The following PCDHGB4 variants were observed in gnomAD, a reference collection of about 807,000 sequenced individuals.
PCDHGB4 encodes the protein protocadherin gamma-B4.
PCDHGB4 carries 38 observed loss-of-function variants against 60.5 expected under a neutral mutation model. The observed-to-expected ratio is 0.63, with a 90% CI of 0.48 to 0.82. PCDHGB4 has a LOEUF of 0.82. Among genes scored for constraint, PCDHGB4 ranks in the 40% least tolerant of loss-of-function variants. The pLI, the probability that PCDHGB4 is intolerant of heterozygous loss-of-function variation, is 0.00. For synonymous variants in PCDHGB4, 456 were observed against 509.7 expected, an observed-to-expected ratio of 0.89 and a Z score of 1.42; for missense variants, 1,109 against 1,209.6, an observed-to-expected ratio of 0.92 and a Z score of 1.23.
At chr5:141,470,602 G>A (rs1004044883) in intron 1 of PCDHGB4, among the ~76,000 whole-genome samples, 1 of 152,268 alleles carries the variant, frequency 6.6e-6, no homozygotes, top group South Asian at 2.1e-4. Flanking sequence ...ACCTGTGCGG[G>A]GACACAGGGC....
intron 1 of PCDHGB4, chr5:141,418,422 G>T: frequency 6.2e-7 from 1 of 1,613,996 alleles, no homozygotes; most frequent in Non-Finnish European, 8.5e-7. Context: ...AATCCTGATG[G>T]TGGCAAATAT....
At position 141,398,050 on chromosome 5, in the gene PCDHGB4, T is replaced by C. The variant is rs558695876; in HGVS notation, c.2397+7769T>C. Reference sequence around the variant, plus strand: ...ACTGGAACTAAAGCCCGTTCGGAGATCCAAAAATCTACAATACAGAGGTTA... The same window carrying C: ...ACTGGAACTAAAGCCCGTTCGGAGACCCAAAAATCTACAATACAGAGGTTA... On this transcript the variant is annotated intron_variant, in intron 1 of 3. Coordinates refer to ENST00000519479, the MANE Select transcript of PCDHGB4 (RefSeq NM_003736.4). 12 of 1,510,524 alleles carry C rather than the reference T, an allele frequency of 7.9e-6. No individual in the cohort carries two copies. The African/African-American group carries it at 1.1e-4, about 14-fold the overall frequency. 93.6% of individuals were successfully genotyped at this position (1,510,524 alleles called of 1,614,324 possible). A position where few individuals can be genotyped will look rare whatever the true frequency, so the allele number is the denominator to read the frequency against.
intron 2 of PCDHGB4, among the ~76,000 whole-genome samples, chr5:141,499,326 C>T (rs1465474737): frequency 6.6e-6 from 1 of 152,156 alleles, no homozygotes. Context: ...TATCCCTGCT[C>T]TCTCTCAGTT....
chr5:141,501,447 A>G (rs1483189279), intron 2 of PCDHGB4, among the ~76,000 whole-genome samples: 1 of 151,816 alleles, frequency 6.6e-6, no homozygotes, highest in Middle Eastern at 3.2e-3. Flanking sequence ...TTCCATTTTT[A>G]CTTTTCACTA....
intron 1 of PCDHGB4, chr5:141,410,428 C>A (rs376561050): frequency 5.0e-6 from 8 of 1,613,906 alleles, no homozygotes; most frequent in African/African-American, 1.3e-5. Flanking sequence ...TTCCCCCCAA[C>A]TACAGTGAGG....
intron 1 of PCDHGB4, chr5:141,414,637 A>G: frequency 5.6e-6 from 9 of 1,613,894 alleles, no homozygotes; most frequent in Non-Finnish European, 6.8e-6. Context: ...CAGCAAAGAG[A>G]ATGCCCAGAT....
chr5:141,463,176 C>CA (rs2099054640), intron 1 of PCDHGB4, among the ~76,000 whole-genome samples: 1 of 152,100 alleles, frequency 6.6e-6, no homozygotes, highest in African/African-American at 2.4e-5. Flanking sequence ...TATGTATGCT[C>CA]AGATTATTAT....
At chr5:141,496,262 C>G (rs934511905) in intron 2 of PCDHGB4, among the ~76,000 whole-genome samples, 3 of 152,158 alleles carry the variant, frequency 2.0e-5, no homozygotes, top group African/African-American at 7.2e-5. Flanking sequence ...GAAACTTCAG[C>G]AGAAAGACCT....
chr5:141,468,049 G>C (rs2099156671), intron 1 of PCDHGB4, among the ~76,000 whole-genome samples: 1 of 152,068 alleles, frequency 6.6e-6, no homozygotes, highest in African/African-American at 2.4e-5. Context: ...ACTAAGCCGG[G>C]CACAGTGGCT....
intron 1 of PCDHGB4, among the ~76,000 whole-genome samples, chr5:141,437,976 T>G (rs1182220385): frequency 1.3e-5 from 2 of 152,096 alleles, no homozygotes; most frequent in Non-Finnish European, 2.9e-5. Flanking sequence ...GATCTTGGGA[T>G]GCACCCACCC....
chr5:141,421,991 A>T, intron 1 of PCDHGB4: 1 of 1,608,656 alleles, frequency 6.2e-7, no homozygotes, highest in Non-Finnish European at 8.5e-7. Context: ...GTTCCAGAAA[A>T]CATCAGCTCC....
At chr5:141,397,546 T>C (rs576089094) in intron 1 of PCDHGB4, among the ~76,000 whole-genome samples, 2 of 152,300 alleles carry the variant, frequency 1.3e-5, no homozygotes, top group South Asian at 2.1e-4. Flanking sequence ...GAAATCAGTA[T>C]AGTATGAAGG....
intron 2 of PCDHGB4, among the ~76,000 whole-genome samples, chr5:141,497,602 C>T (rs948023459): frequency 2.0e-5 from 3 of 148,260 alleles, no homozygotes; most frequent in East Asian, 2.0e-4. Flanking sequence ...TGCAGTGGTG[C>T]GATCTTGGCT....
At chr5:141,462,459 C>T (rs190781980) in intron 1 of PCDHGB4, among the ~76,000 whole-genome samples, 11 of 152,128 alleles carry the variant, frequency 7.2e-5, no homozygotes, top group Admixed American at 2.6e-4. Flanking sequence ...TAACTGAAAA[C>T]TGTGTATTCT....
rs182297545 is a variant in PCDHGB4 at position 141,400,627 on chromosome 5, G to A, written c.2397+10346G>A. ...AAGTCCAATGAGTTGTCTTAGGGAA[G>A]TCAGAGCTGCTCAGAAAGCTGTCCT... On this transcript the variant is annotated intron_variant, in intron 1 of 3. Transcript: ENST00000519479. 46 of 1,441,658 alleles carry A rather than the reference G, an allele frequency of 3.2e-5. 1 individual carries two copies. In the East Asian group the frequency reaches 8.4e-4, roughly 26 times the overall value. 89.3% of individuals were successfully genotyped at this position (1,441,658 alleles called of 1,614,324 possible). A position where few individuals can be genotyped will look rare whatever the true frequency, so the allele number is the denominator to read the frequency against.
Position 141,393,006 on chromosome 5 carries a change from C to T in PCDHGB4, c.2397+2725C>T, listed in dbSNP as rs182052960. On this transcript the variant is annotated intron_variant, in intron 1 of 3. Coordinates refer to ENST00000519479, the MANE Select transcript of PCDHGB4 (RefSeq NM_003736.4). ...CCGGAAGCTGGCGAAGCACGGAGTC[C>T]GTATCGTCTCCAGAGGTAGGACGCA... is the stretch of plus-strand genomic sequence containing the variant. 3.5e-3 allele frequency: 5,649 copies of T among 1,613,866 alleles called. 26 individuals are homozygous for T. The highest frequency in any genetic ancestry group is 4.1e-3 in the Non-Finnish European group (4,855 of 1,179,884).
Position 141,489,772 on chromosome 5 carries a change from T to C in PCDHGB4, c.2398-5035T>C, listed in dbSNP as rs1327700197. 6.2e-7 allele frequency: 1 copy of C among 1,614,154 alleles called. No individual in the cohort carries two copies. The highest frequency in any genetic ancestry group is 8.5e-7 in the Non-Finnish European group (1 of 1,179,994). ...TTACACTCTAAGCCCCAACAGCCAC[T>C]TCTCTCTGAATGTGAAGACCCTAAA... On this transcript the variant is annotated intron_variant, in intron 1 of 3. Coordinates refer to ENST00000519479, the MANE Select transcript of PCDHGB4 (RefSeq NM_003736.4). This position sits in a 1 kb window ranked among gnomAD's most constrained non-coding sequence, Gnocchi z 4.5.
intron 2 of PCDHGB4, among the ~76,000 whole-genome samples, chr5:141,502,866 C>CTTTTTTCTT (rs2099816532): frequency 7.8e-6 from 1 of 128,046 alleles, no homozygotes; most frequent in African/African-American, 3.1e-5. Context: ...GACTCTCTGT[C>CTTTTTTCTT]TTTTTTTTTT....
At chr5:141,466,279 T>A (rs1386803685) in intron 1 of PCDHGB4, among the ~76,000 whole-genome samples, 1 of 152,144 alleles carries the variant, frequency 6.6e-6, no homozygotes, top group Non-Finnish European at 1.5e-5. Flanking sequence ...CAAGCAATCT[T>A]CCCACCTCAG....
Sources: gnomAD v4.1 joint callset for allele counts (sites outside exome capture counted in the v4.1 genomes callset) on GRCh38, gnomAD v4.1.1 for gene constraint, Gnocchi (gnomAD v3.1) non-coding constraint, MANE v1.5 for transcripts, NCBI Gene and HGNC (gene_info 2026-07-23, HGNC 2026-07-21) for gene names.